The following MTMR2 variants were observed in gnomAD, a reference collection of about 807,000 sequenced individuals.
The protein encoded by MTMR2 is phosphatidylinositol-3,5-bisphosphate 3-phosphatase MTMR2.
In MTMR2, 55 loss-of-function variants were observed where a neutral mutation model predicts 86.9. The observed-to-expected ratio is 0.63, with a 90% CI of 0.51 to 0.79. The LOEUF (loss-of-function observed/expected upper bound fraction) is 0.79, where lower values mean the gene tolerates loss of function less well. Ranked by LOEUF, MTMR2 falls within the 30% of genes least tolerant of loss-of-function variation. The probability of loss-of-function intolerance (pLI) is 0.00; values close to 1 mark genes in which losing one functional copy is unlikely to be tolerated. For missense variants in MTMR2, 659 were observed against 772.3 expected, an observed-to-expected ratio of 0.85 and a Z score of 1.74; for synonymous variants, 241 against 266.8, an observed-to-expected ratio of 0.90 and a Z score of 0.94.
intron 7 of MTMR2, 142 bp from the exon 8 acceptor site, chr11:95,850,891 G>GT (rs1440482119): frequency 3.9e-6 from 3 of 777,796 alleles, no homozygotes; most frequent in Non-Finnish European, 4.2e-6. Flanking sequence ...TCAGCCTGTG[G>GT]TATCAGGCTT....
intron 7 of MTMR2, among the ~76,000 whole-genome samples, chr11:95,853,664 A>G (rs1053663590): frequency 4.6e-5 from 7 of 152,024 alleles, no homozygotes; most frequent in Non-Finnish European, 8.8e-5. Flanking sequence ...ATTACATTAT[A>G]TTGTAATTGT....
intron 2 of MTMR2, among the ~76,000 whole-genome samples, chr11:95,883,851 C>A (rs1057461470): frequency 6.6e-6 from 1 of 152,122 alleles, no homozygotes; most frequent in African/African-American, 2.4e-5. Flanking sequence ...AGGAAAGTGC[C>A]ATTTTACAGT....
At chr11:95,871,438 G>A (rs889662151) in intron 2 of MTMR2, among the ~76,000 whole-genome samples, 3 of 152,158 alleles carry the variant, frequency 2.0e-5, no homozygotes, top group Non-Finnish European at 4.4e-5. Flanking sequence ...ATTCTAACTG[G>A]TGTGAGATGG....
At chr11:95,887,083 G>A (rs1313455575) in intron 2 of MTMR2, among the ~76,000 whole-genome samples, 1 of 152,116 alleles carries the variant, frequency 6.6e-6, no homozygotes, top group African/African-American at 2.4e-5. Context: ...TTCACAAAAG[G>A]TAATGACAAA....
At chr11:95,896,672 G>A (rs1865890334) in intron 1 of MTMR2, among the ~76,000 whole-genome samples, 1 of 152,044 alleles carries the variant, frequency 6.6e-6, no homozygotes, top group Admixed American at 6.6e-5. Flanking sequence ...AAATGCATCA[G>A]AGGCCATCAC....
Position 95,865,666 on chromosome 11 carries a change from T to A in MTMR2, c.197A>T (p.Glu66Val). The A allele has an allele frequency of 6.2e-7, 1 of 1,613,796 alleles. No homozygotes were observed. Among genetic ancestry groups the A allele is most frequent in the Non-Finnish European group, 8.5e-7 (1 of 1,179,700 alleles). ...TTCCATTTCTGCTAACTTGTTAGACTCCCTCAGGACCTGGGGTGGGAAAGA... is the reference window on the plus strand; with the variant it reads ...TTCCATTTCTGCTAACTTGTTAGACACCCTCAGGACCTGGGGTGGGAAAGA... Reference protein sequence around the residue: ...NFSPDLRVLRESNKLAEMEEP... With the variant: ...NFSPDLRVLRVSNKLAEMEEP... The change falls in exon 3 of 15, where the codon GAG becomes GTG. Residue 66 changes from glutamate (E) to valine (V), a missense_variant. This residue lies in a region of MTMR2 where 387 missense variants were observed against 526.3 expected (regional missense o/e 0.74). Coordinates refer to ENST00000346299, the MANE Select transcript of MTMR2 (RefSeq NM_016156.6).
At chr11:95,878,996 T>C (rs761288944) in intron 2 of MTMR2, among the ~76,000 whole-genome samples, 9 of 152,140 alleles carry the variant, frequency 5.9e-5, no homozygotes, top group Non-Finnish European at 8.8e-5. Flanking sequence ...AATGGGGTCA[T>C]TGACCCTTAT....
Position 95,877,331 on chromosome 11 carries a change from CCTTTTTTTT to C in MTMR2, c.186+10816_186+10824del, listed in dbSNP as rs1384140996. On this transcript the variant is annotated intron_variant, in intron 2 of 14. Transcript: ENST00000346299. ...CATTCAAGATCAAGCACAGGGAAGC[CCTTTTTTTT>C]TTTTTTTTTTTTTTTTTTTTTTTAT... Among the ~76,000 whole-genome samples the C allele has an allele frequency of 3.4e-4, 32 of 94,718 alleles. 1 individual carries two copies. The highest frequency in any genetic ancestry group is 8.5e-3 in the Middle Eastern group (1 of 118). 62.1% of individuals were successfully genotyped at this position (94,718 alleles called of 152,430 possible).
chr11:95,900,329 G>A (rs535505161), intron 1 of MTMR2, among the ~76,000 whole-genome samples: 72 of 152,190 alleles, frequency 4.7e-4, no homozygotes, highest in Admixed American at 7.9e-4. Context: ...ATGTAGCCCA[G>A]GGACAAGATA....
rs1565368414 is a variant in MTMR2, at chr11:95,877,331, C to CTTTTTTTTTTTTTTTTTTTTTTTTTT, written c.186+10824_186+10825insAAAAAAAAAAAAAAAAAAAAAAAAAA. Among the ~76,000 whole-genome samples the CTTTTTTTTTTTTTTTTTTTTTTTTTT allele has an allele frequency of 8.4e-5, 8 of 94,718 alleles. 3 individuals are homozygous for CTTTTTTTTTTTTTTTTTTTTTTTTTT. The highest frequency in any genetic ancestry group is 8.5e-3 in the Middle Eastern group (1 of 118). The allele number at this position is 94,718 out of a possible 152,430, so 62.1% of individuals were successfully genotyped here. ...CATTCAAGATCAAGCACAGGGAAGCCCTTTTTTTTTTTTTTTTTTTTTTTT... is the reference window on the plus strand; with the variant it reads ...CATTCAAGATCAAGCACAGGGAAGCCTTTTTTTTTTTTTTTTTTTTTTTTTTCTTTTTTTTTTTTTTTTTTTTTTTT... On this transcript the variant is annotated intron_variant, in intron 2 of 14. Coordinates refer to ENST00000346299, the MANE Select transcript of MTMR2 (RefSeq NM_016156.6).
chr11:95,877,411 T>A (rs964534057), intron 2 of MTMR2, among the ~76,000 whole-genome samples: 1 of 127,150 alleles, frequency 7.9e-6, no homozygotes, highest in Non-Finnish European at 1.6e-5. Flanking sequence ...AAACCACAAC[T>A]AGCCAAAGCT....
chr11:95,907,252 C>T (rs1292809518), intron 1 of MTMR2, among the ~76,000 whole-genome samples: 2 of 152,046 alleles, frequency 1.3e-5, no homozygotes, highest in African/African-American at 2.4e-5. Flanking sequence ...TAGACACAAA[C>T]TAGAAAACCT....
chr11:95,845,204 T>TA, intron 10 of MTMR2, 45 bp from the exon 11 acceptor site: 1 of 1,494,486 alleles, frequency 6.7e-7, no homozygotes, highest in Non-Finnish European at 9.3e-7. Context: ...ACAAGGTAAA[T>TA]ACTTCCTTCT....
rs1362147103 is a variant in MTMR2 at position 95,893,860 on chromosome 11, T to A, written c.81-5599A>T. ...TCTCTGGACTAGTGCAAATAACTTG[T>A]CTCTTTTCTCCTACTCATCCAATAT... On this transcript the variant is annotated intron_variant, in intron 1 of 14. Transcript: ENST00000346299. Among the ~76,000 whole-genome samples the A allele has an allele frequency of 2.0e-5, 3 of 152,148 alleles. No homozygotes were observed. In the East Asian group the frequency reaches 5.8e-4, roughly 29 times the overall value.
intron 14 of MTMR2, 131 bp from the exon 15 acceptor site, chr11:95,835,582 A>AAATT (rs1863233086): frequency 1.1e-6 from 1 of 887,270 alleles, no homozygotes; most frequent in Non-Finnish European, 1.8e-6. Context: ...CCCATCAGTG[A>AAATT]AATTAAATAC....
At chr11:95,880,098 T>A (rs1180946271) in intron 2 of MTMR2, among the ~76,000 whole-genome samples, 1 of 151,860 alleles carries the variant, frequency 6.6e-6, no homozygotes, top group Non-Finnish European at 1.5e-5. Context: ...TATATATAAA[T>A]TTTGCCTTTT....
intron 2 of MTMR2, among the ~76,000 whole-genome samples, chr11:95,881,334 T>G (rs1591018000): frequency 6.6e-6 from 1 of 152,142 alleles, no homozygotes; most frequent in African/African-American, 2.4e-5. Flanking sequence ...TCTGGGTTAA[T>G]CTTGACCTTT....
Position 95,861,460 on chromosome 11 carries a change from G to T in MTMR2, c.468+532C>A, listed in dbSNP as rs186928647. ...ATTATTTCAGACAGAGTCTTACTCT[G>T]TTGCCCAAGCTGGAGTGCAGTGGCA... On this transcript the variant is annotated intron_variant, in intron 5 of 14. Transcript: ENST00000346299. Among the ~76,000 whole-genome samples, 399 of 150,216 alleles carry T rather than the reference G, an allele frequency of 2.7e-3. 1 individual carries two copies. The highest frequency in any genetic ancestry group is 0.011 in the East Asian group (56 of 5,112).
intron 1 of MTMR2, among the ~76,000 whole-genome samples, chr11:95,889,576 C>A (rs1313288813): frequency 4.6e-5 from 7 of 151,822 alleles, no homozygotes. Context: ...CTGTTCTCCT[C>A]AAACTCCTGG....
Sources: gnomAD v4.1 joint callset for allele counts (sites outside exome capture counted in the v4.1 genomes callset) on GRCh38, gnomAD v4.1.1 for gene constraint, gnomAD v4.1.1 regional missense constraint, MANE v1.5 for transcripts, NCBI Gene and HGNC (gene_info 2026-07-23, HGNC 2026-07-21) for gene names.